AGBL4: variants seen among roughly 807,000 people sequenced by gnomAD.
AGBL4 encodes cytosolic carboxypeptidase 6.
A neutral mutation model predicts 66.4 loss-of-function variants in AGBL4; 58 were observed. The observed-to-expected ratio is 0.87, with a 90% CI of 0.71 to 1.09. The LOEUF (loss-of-function observed/expected upper bound fraction) is 1.09, where lower values mean the gene tolerates loss of function less well. Among genes scored for constraint, AGBL4 ranks in the 50% least tolerant of loss-of-function variants. The pLI, the probability that AGBL4 is intolerant of heterozygous loss-of-function variation, is 0.00. For missense variants in AGBL4, 579 were observed against 631.0 expected, an observed-to-expected ratio of 0.92 and a Z score of 0.88; for synonymous variants, 234 against 222.9, an observed-to-expected ratio of 1.05 and a Z score of -0.44.
At chr1:48,864,726 A>C (rs530419947) in intron 6 of AGBL4, among the ~76,000 whole-genome samples, 1 of 152,264 alleles carries the variant, frequency 6.6e-6, no homozygotes, top group South Asian at 2.1e-4. Flanking sequence ...TTTTGATACA[A>C]AGATAAGGAA....
chr1:48,843,266 G>A (rs72890084), intron 6 of AGBL4, among the ~76,000 whole-genome samples: 1 of 152,074 alleles, frequency 6.6e-6, no homozygotes, highest in African/African-American at 2.4e-5. Flanking sequence ...GATTGATTTA[G>A]GGTTATTGAA....
intron 1 of AGBL4, among the ~76,000 whole-genome samples, chr1:49,859,062 G>T (rs1276533971): frequency 6.6e-6 from 1 of 151,884 alleles, no homozygotes; most frequent in African/African-American, 2.4e-5. Flanking sequence ...AGAAATAAAA[G>T]ATGAAATATA....
chr1:49,007,704 G>A (rs1016541361), intron 5 of AGBL4, among the ~76,000 whole-genome samples: 3 of 151,434 alleles, frequency 2.0e-5, no homozygotes, highest in African/African-American at 7.3e-5. Flanking sequence ...CAAGCCAGAA[G>A]AGAGTGGGGG....
intron 4 of AGBL4, among the ~76,000 whole-genome samples, chr1:49,225,056 T>A (rs541945025): frequency 1.5e-4 from 23 of 152,316 alleles, no homozygotes; most frequent in Admixed American, 1.5e-3. Flanking sequence ...ATGATGCCAA[T>A]ATGATAACAA....
At chr1:48,997,510 T>C (rs1320074574) in intron 5 of AGBL4, among the ~76,000 whole-genome samples, 1 of 152,156 alleles carries the variant, frequency 6.6e-6, no homozygotes, top group Admixed American at 6.5e-5. Context: ...CAGCATACAA[T>C]AGGCACTCTG....
intron 6 of AGBL4, among the ~76,000 whole-genome samples, chr1:48,853,094 A>G (rs772249629): frequency 6.6e-6 from 1 of 152,140 alleles, no homozygotes; most frequent in Non-Finnish European, 1.5e-5. Context: ...ACTTTGCCCT[A>G]TTTTGGATTA....
intron 4 of AGBL4, among the ~76,000 whole-genome samples, chr1:49,223,641 C>T (rs922446400): frequency 1.3e-5 from 2 of 152,258 alleles, no homozygotes; most frequent in Admixed American, 6.5e-5. Flanking sequence ...GTTGGGTATG[C>T]GACCCTTCTA....
intron 3 of AGBL4, among the ~76,000 whole-genome samples, chr1:49,665,952 T>G (rs140355098): frequency 1.2e-3 from 187 of 151,274 alleles, no homozygotes; most frequent in African/African-American, 4.3e-3. Context: ...AACAAAGAAG[T>G]ACACACTAAA....
chr1:49,108,872 G>A (rs542984704), intron 4 of AGBL4, among the ~76,000 whole-genome samples: 4 of 152,116 alleles, frequency 2.6e-5, no homozygotes, highest in East Asian at 1.9e-4. Context: ...AGTAGGTATG[G>A]CAAAGTGCAC....
intron 5 of AGBL4, among the ~76,000 whole-genome samples, chr1:48,993,259 A>G (rs184114481): frequency 6.6e-6 from 1 of 152,266 alleles, no homozygotes; most frequent in East Asian, 1.9e-4. Flanking sequence ...TTCTGGCTCA[A>G]GTTATGACTA....
intron 5 of AGBL4, among the ~76,000 whole-genome samples, chr1:49,031,158 C>A (rs1400034135): frequency 6.6e-6 from 1 of 151,930 alleles, no homozygotes; most frequent in Non-Finnish European, 1.5e-5. Flanking sequence ...AGCAATGACA[C>A]CTCACTACAG....
intron 5 of AGBL4, among the ~76,000 whole-genome samples, chr1:48,962,310 T>C (rs1658067896): frequency 6.6e-6 from 1 of 152,174 alleles, no homozygotes; most frequent in Admixed American, 6.5e-5. Flanking sequence ...GTTTAGAAGC[T>C]CACAAGAAAT....
chr1:49,373,392 C>A (rs1339892074), intron 3 of AGBL4, among the ~76,000 whole-genome samples: 1 of 152,068 alleles, frequency 6.6e-6, no homozygotes, highest in Non-Finnish European at 1.5e-5. Flanking sequence ...CAGGGATTTG[C>A]CCCTATAATT....
chr1:49,336,362 T>A (rs1645437198), intron 3 of AGBL4, among the ~76,000 whole-genome samples: 1 of 151,464 alleles, frequency 6.6e-6, no homozygotes, highest in African/African-American at 2.4e-5. Context: ...ATGAATTGGA[T>A]GAGATCTACC....
chr1:49,706,691 T>C (rs904988269), intron 2 of AGBL4, among the ~76,000 whole-genome samples: 4 of 152,190 alleles, frequency 2.6e-5, no homozygotes, highest in African/African-American at 4.8e-5. Context: ...TTTAGTGCTA[T>C]AAATTTCCCT....
intron 5 of AGBL4, among the ~76,000 whole-genome samples, chr1:48,939,630 G>A (rs1022819023): frequency 3.9e-5 from 6 of 152,098 alleles, no homozygotes; most frequent in African/African-American, 7.2e-5. Context: ...TATCCCTGAC[G>A]CAACTGAATG....
chr1:48,732,282 G>A (rs1648265602), intron 6 of AGBL4, among the ~76,000 whole-genome samples: 1 of 152,180 alleles, frequency 6.6e-6, no homozygotes, highest in South Asian at 2.1e-4. Context: ...GTGGGCATCT[G>A]TGAAGAGATA....
chr1:49,412,106 A>G (rs962942801), intron 3 of AGBL4, among the ~76,000 whole-genome samples: 2 of 152,180 alleles, frequency 1.3e-5, no homozygotes, highest in African/African-American at 4.8e-5. Flanking sequence ...CATAAAAAAA[A>G]TCTGTAGAAA....
chr1:49,622,224 A>G (rs1009279805), intron 3 of AGBL4, among the ~76,000 whole-genome samples: 1 of 152,228 alleles, frequency 6.6e-6, no homozygotes, highest in Admixed American at 6.5e-5. Context: ...GCATAATCAA[A>G]AAAACATAGG....
Sources: allele counts gnomAD v4.1 joint callset (sites outside exome capture counted in the v4.1 genomes callset), GRCh38; gene constraint gnomAD v4.1.1; transcripts MANE v1.5; gene names NCBI Gene and HGNC (gene_info 2026-07-23, HGNC 2026-07-21).